PLCB1: variants seen among roughly 807,000 people sequenced by gnomAD.
The protein encoded by PLCB1 is 1-phosphatidylinositol 4,5-bisphosphate phosphodiesterase beta-1.
Under a neutral mutation model 161.8 loss-of-function variants are expected in PLCB1, and 46 were observed. The ratio of observed to expected loss-of-function variants is 0.28; its 90% CI spans 0.22 to 0.36. The LOEUF (loss-of-function observed/expected upper bound fraction) is 0.36, where lower values mean the gene tolerates loss of function less well. Ranked by LOEUF, PLCB1 falls within the 10% of genes least tolerant of loss-of-function variation. The pLI is 1.00. For synonymous variants in PLCB1, 517 were observed against 503.7 expected, an observed-to-expected ratio of 1.03 and a Z score of -0.35; for missense variants, 1,016 against 1,472.5, an observed-to-expected ratio of 0.69 and a Z score of 5.07.
chr20:8,880,860 C>CTTTTTTTTTTTTTTTTTTTTG (rs55682849), intron 31 of PLCB1: 2 of 99,484 alleles, frequency 2.0e-5, no homozygotes, highest in Admixed American at 1.3e-4. Context: ...TTCTTTCTTT[C>CTTTTTTTTTTTTTTTTTTTTG]TTTTTTTTTT....
chr20:8,143,495 C>T (rs916712448), intron 1 of PLCB1, among the ~76,000 whole-genome samples: 1 of 152,178 alleles, frequency 6.6e-6, no homozygotes, highest in Non-Finnish European at 1.5e-5. Context: ...GATTTCATGC[C>T]TGCCCTTATT....
At chr20:8,148,354 A>G (rs1196557557) in intron 1 of PLCB1, among the ~76,000 whole-genome samples, 1 of 152,220 alleles carries the variant, frequency 6.6e-6, no homozygotes, top group Non-Finnish European at 1.5e-5. Flanking sequence ...TTATTTCCAA[A>G]TGTCTTTTTT....
At chr20:8,629,152 C>T (rs1415261066) in intron 4 of PLCB1, among the ~76,000 whole-genome samples, 1 of 152,108 alleles carries the variant, frequency 6.6e-6, no homozygotes, top group African/African-American at 2.4e-5. Context: ...AATCCCTGGG[C>T]AGCAACTAGC....
intron 3 of PLCB1, among the ~76,000 whole-genome samples, chr20:8,540,285 GA>G (rs1217209136): frequency 1.3e-5 from 2 of 152,096 alleles, no homozygotes; most frequent in African/African-American, 4.8e-5. Context: ...ATCTCATCTA[GA>G]AAGCAGGGTG....
chr20:8,742,171 A>G (rs1980913900), intron 23 of PLCB1, among the ~76,000 whole-genome samples: 1 of 152,182 alleles, frequency 6.6e-6, no homozygotes, highest in South Asian at 2.1e-4. Context: ...GTTTAAATTT[A>G]TAAAGCTTCT....
At chr20:8,196,800 T>A (rs2052029257) in intron 2 of PLCB1, among the ~76,000 whole-genome samples, 1 of 152,048 alleles carries the variant, frequency 6.6e-6, no homozygotes, top group Non-Finnish European at 1.5e-5. Context: ...GTATATCTCC[T>A]AATGCTATCC....
intron 4 of PLCB1, chr20:8,628,734 A>C (rs547049225): frequency 8.6e-6 from 2 of 233,638 alleles, no homozygotes; most frequent in African/African-American, 4.5e-5. Flanking sequence ...CAGGAGTTTG[A>C]GATGAGCCTG....
At chr20:8,806,092 G>A (rs1014219871) in intron 31 of PLCB1, among the ~76,000 whole-genome samples, 10 of 152,102 alleles carry the variant, frequency 6.6e-5, no homozygotes, top group African/African-American at 2.2e-4. Context: ...CAGGCAGCAC[G>A]TTCACATTGC....
At chr20:8,643,112 GTCC>G (rs1013494917) in intron 4 of PLCB1, among the ~76,000 whole-genome samples, 2 of 152,092 alleles carry the variant, frequency 1.3e-5, no homozygotes, top group African/African-American at 4.8e-5. Flanking sequence ...GTCTTTTTAA[GTCC>G]TCCTCCAACA....
chr20:8,247,703 C>T (rs1980948898), intron 2 of PLCB1, among the ~76,000 whole-genome samples: 1 of 151,616 alleles, frequency 6.6e-6, no homozygotes, highest in South Asian at 2.1e-4. Flanking sequence ...AGTAAATGCT[C>T]AATATTTTTT....
At chr20:8,259,563 C>T (rs551627138) in intron 2 of PLCB1, among the ~76,000 whole-genome samples, 1 of 151,956 alleles carries the variant, frequency 6.6e-6, no homozygotes, top group Non-Finnish European at 1.5e-5. Flanking sequence ...ATGGTGTGAT[C>T]CAAGATCACA....
At chr20:8,833,909 A>G (rs955510030) in intron 31 of PLCB1, among the ~76,000 whole-genome samples, 1 of 152,014 alleles carries the variant, frequency 6.6e-6, no homozygotes, top group Non-Finnish European at 1.5e-5. Context: ...CTTCTGGAAT[A>G]TTCTCTGTGG....
intron 23 of PLCB1, among the ~76,000 whole-genome samples, chr20:8,752,946 C>T (rs925012839): frequency 8.1e-6 from 1 of 123,218 alleles, no homozygotes; most frequent in Non-Finnish European, 1.8e-5. Flanking sequence ...AAGTAAGCAG[C>T]AGGTGGGCAA....
At chr20:8,299,190 T>C (rs1970347310) in intron 2 of PLCB1, among the ~76,000 whole-genome samples, 1 of 152,170 alleles carries the variant, frequency 6.6e-6, no homozygotes, top group Non-Finnish European at 1.5e-5. Context: ...CCCATGTCTT[T>C]CTGCTGGAAT....
chr20:8,829,629 A>G (rs962515734), intron 31 of PLCB1, among the ~76,000 whole-genome samples: 11 of 152,128 alleles, frequency 7.2e-5, no homozygotes, highest in Non-Finnish European at 1.5e-4. Flanking sequence ...ATGGACTGAT[A>G]TTTTCTAGCC....
chr20:8,675,184 A>G (rs960031921), intron 9 of PLCB1, among the ~76,000 whole-genome samples: 7 of 152,084 alleles, frequency 4.6e-5, no homozygotes, highest in Admixed American at 1.3e-4. Flanking sequence ...GCTTGACTCA[A>G]TGTTCACTCC....
intron 27 of PLCB1, among the ~76,000 whole-genome samples, chr20:8,782,724 G>A (rs1983302943): frequency 6.6e-6 from 1 of 152,172 alleles, no homozygotes; most frequent in African/African-American, 2.4e-5. Flanking sequence ...TTAATTTCTT[G>A]TAGAAGAAAA....
chr20:8,590,053 G>A (rs1987103489), intron 3 of PLCB1, among the ~76,000 whole-genome samples: 1 of 152,108 alleles, frequency 6.6e-6, no homozygotes, highest in African/African-American at 2.4e-5. Context: ...AATTTCGGGT[G>A]GGGACATAAA....
At chr20:8,571,065 A>C (rs1346315910) in intron 3 of PLCB1, among the ~76,000 whole-genome samples, 1 of 152,252 alleles carries the variant, frequency 6.6e-6, no homozygotes, top group Non-Finnish European at 1.5e-5. Flanking sequence ...TGTAGGCACC[A>C]GGTCATGTAA....
Sources: allele counts gnomAD v4.1 joint callset (sites outside exome capture counted in the v4.1 genomes callset), GRCh38; gene constraint gnomAD v4.1.1; transcripts MANE v1.5; gene names NCBI Gene and HGNC (gene_info 2026-07-23, HGNC 2026-07-21).